The following PDE1C variants were observed in gnomAD, a reference collection of about 807,000 sequenced individuals.
The protein encoded by PDE1C is dual specificity calcium/calmodulin-dependent 3',5'-cyclic nucleotide phosphodiesterase 1C.
A neutral mutation model predicts 93.1 loss-of-function variants in PDE1C; 62 were observed. The ratio of observed to expected loss-of-function variants is 0.67; its 90% CI spans 0.54 to 0.82. The LOEUF is 0.82. PDE1C is among the 40% of genes least tolerant of loss of function. PDE1C has a pLI of 0.00. For missense variants in PDE1C, 742 were observed against 884.6 expected (o/e 0.84, Z 2.04); for synonymous variants, 325 against 310.1 (o/e 1.05, Z -0.50).
At chr7:31,824,756 G>A in intron 13 of PDE1C, 111 bp downstream of exon 13, 1 of 1,381,924 alleles carries the variant, frequency 7.2e-7, no homozygotes, top group Non-Finnish European at 1.0e-6. Context: ...TTCTGAGAAG[G>A]AGCTAAGGCA....
intron 3 of PDE1C, among the ~76,000 whole-genome samples, chr7:32,120,480 C>T (rs529120162): frequency 6.6e-6 from 1 of 152,152 alleles, no homozygotes; most frequent in African/African-American, 2.4e-5. Flanking sequence ...TTCCTACTGG[C>T]ATCAGGTTGG....
At chr7:31,643,932 T>C in the PDE1C span, 1 of 1,612,164 alleles carries the variant, frequency 6.2e-7, no homozygotes, top group East Asian at 2.2e-5. Context: ...TTCAGGACAC[T>C]ACAGTGAGGG....
rs73686893 is a variant in PDE1C, at chr7:32,011,892, T to A, written c.128+39662A>T. Among the ~76,000 whole-genome samples, 1,296 of 152,302 alleles carry A rather than the reference T, an allele frequency of 8.5e-3. 20 individuals carry two copies. Among genetic ancestry groups the A allele is most frequent in the African/African-American group, 0.03 (1,247 of 41,570 alleles). ...TGCATATGAATGTTCTTAGCAACTA[T>A]ATTCATAACAGCCCCAAACTGAAAA... is the stretch of plus-strand genomic sequence containing the variant. On this transcript the variant is annotated intron_variant, in intron 2 of 17. Coordinates refer to ENST00000396191, the MANE Select transcript of PDE1C (RefSeq NM_001191057.4).
intron 3 of PDE1C, among the ~76,000 whole-genome samples, chr7:32,106,863 T>C (rs1049858581): frequency 2.0e-5 from 3 of 151,970 alleles, no homozygotes; most frequent in Non-Finnish European, 2.9e-5. Context: ...TGGCAGAGAT[T>C]TTGCAATTAT....
At chr7:31,966,275 A>C (rs566239943) in intron 2 of PDE1C, among the ~76,000 whole-genome samples, 2 of 152,352 alleles carry the variant, frequency 1.3e-5, no homozygotes, top group East Asian at 1.9e-4. Context: ...TCTACCAAGC[A>C]AATGGAAAAC....
At chr7:32,000,830 G>A (rs1785365542) in intron 2 of PDE1C, among the ~76,000 whole-genome samples, 1 of 152,054 alleles carries the variant, frequency 6.6e-6, no homozygotes, top group Non-Finnish European at 1.5e-5. Flanking sequence ...CATTTCATAT[G>A]GAATATATTT....
chr7:31,716,208 T>G, the PDE1C span, among the ~76,000 whole-genome samples: 1 of 152,082 alleles, frequency 6.6e-6, no homozygotes, highest in African/African-American at 2.4e-5. Context: ...CTGACTCACA[T>G]TTTCCTTTCT....
At chr7:31,802,850 C>G (rs1416124792) in intron 16 of PDE1C, among the ~76,000 whole-genome samples, 1 of 151,690 alleles carries the variant, frequency 6.6e-6, no homozygotes, top group Non-Finnish European at 1.5e-5. Flanking sequence ...CTCTTCATCA[C>G]TGGTTTTGAG....
intron 1 of PDE1C, among the ~76,000 whole-genome samples, chr7:32,232,472 T>A (rs1286385927): frequency 3.3e-5 from 5 of 152,202 alleles, no homozygotes; most frequent in African/African-American, 9.6e-5. Context: ...ATTGCATTTT[T>A]TATCTCTCCG....
the PDE1C span, among the ~76,000 whole-genome samples, chr7:31,637,200 T>A: frequency 6.6e-6 from 1 of 152,082 alleles, no homozygotes; most frequent in African/African-American, 2.4e-5. Flanking sequence ...TAAACATACG[T>A]GTGCATGTGT....
intron 2 of PDE1C, among the ~76,000 whole-genome samples, chr7:31,886,845 G>A (rs1165505194): frequency 5.2e-5 from 2 of 38,412 alleles, no homozygotes; most frequent in Non-Finnish European, 1.1e-4. Flanking sequence ...AGATCTTTTC[G>A]GATCTTTTCA....
chr7:32,104,683 C>T (rs181557867), intron 3 of PDE1C, among the ~76,000 whole-genome samples: 201 of 152,254 alleles, frequency 1.3e-3, no homozygotes, highest in African/African-American at 4.5e-3. Flanking sequence ...TCTAAGGAAA[C>T]TGAATCTTTG....
intron 1 of PDE1C, among the ~76,000 whole-genome samples, chr7:32,297,463 G>A (rs1040468061): frequency 3.3e-5 from 5 of 152,204 alleles, no homozygotes; most frequent in Admixed American, 1.3e-4. Context: ...AAAGGCTGAC[G>A]TCCCAAAAAG....
chr7:31,636,066 G>C, the PDE1C span, among the ~76,000 whole-genome samples: 1 of 152,194 alleles, frequency 6.6e-6, no homozygotes, highest in Non-Finnish European at 1.5e-5. Flanking sequence ...ATGAGAGCTA[G>C]CAGGGGAAAT....
intron 1 of PDE1C, among the ~76,000 whole-genome samples, chr7:32,308,495 C>T (rs1414199508): frequency 6.6e-6 from 1 of 152,238 alleles, no homozygotes; most frequent in East Asian, 1.9e-4. Context: ...TAGTGGCAGA[C>T]TGACACCTCA....
At chr7:31,994,934 A>G (rs1176297508) in intron 2 of PDE1C, among the ~76,000 whole-genome samples, 2 of 152,198 alleles carry the variant, frequency 1.3e-5, no homozygotes, top group African/African-American at 4.8e-5. Flanking sequence ...GGCCCTACTG[A>G]AAATGTAGTA....
At chr7:31,933,888 A>C (rs1478581580) in intron 2 of PDE1C, among the ~76,000 whole-genome samples, 1 of 152,200 alleles carries the variant, frequency 6.6e-6, no homozygotes, top group East Asian at 1.9e-4. Context: ...CAGAACCATG[A>C]GCCAATTAAA....
chr7:31,655,588 G>C, the PDE1C span, among the ~76,000 whole-genome samples: 1 of 152,132 alleles, frequency 6.6e-6, no homozygotes, highest in Admixed American at 6.6e-5. Flanking sequence ...CCTTCCACCA[G>C]AAATAAAAGT....
intron 2 of PDE1C, among the ~76,000 whole-genome samples, chr7:32,176,206 T>A (rs1016598495): frequency 1.3e-5 from 2 of 152,218 alleles, no homozygotes; most frequent in Non-Finnish European, 2.9e-5. Context: ...ATTTATGTAA[T>A]GGATTGCTAT....
Sources: gnomAD v4.1 joint callset for allele counts (sites outside exome capture counted in the v4.1 genomes callset) on GRCh38, gnomAD v4.1.1 for gene constraint, MANE v1.5 for transcripts, NCBI Gene and HGNC (gene_info 2026-07-23, HGNC 2026-07-21) for gene names.